Variants in CDH12 observed in about 807,000 individuals in gnomAD.
CDH12 encodes the protein cadherin-12.
Under a neutral mutation model 74.1 loss-of-function variants are expected in CDH12, and 41 were observed. The observed-to-expected ratio is 0.55, with a 90% confidence interval of 0.43 to 0.72. CDH12 has a LOEUF of 0.72. Ranked by LOEUF, CDH12 falls within the 30% of genes least tolerant of loss-of-function variation. The probability of loss-of-function intolerance (pLI) is 0.00; values close to 1 mark genes in which losing one functional copy is unlikely to be tolerated. For synonymous variants in CDH12, 399 were observed against 355.0 expected, an observed-to-expected ratio of 1.12 and a Z score of -1.39; for missense variants, 945 against 977.2, an observed-to-expected ratio of 0.97 and a Z score of 0.44.
intron 3 of CDH12, among the ~76,000 whole-genome samples, chr5:22,277,572 C>T (rs1290957204): frequency 6.6e-6 from 1 of 151,980 alleles, no homozygotes; most frequent in Admixed American, 6.5e-5. Context: ...GTGGCTCACA[C>T]CTGTAATCCC....
intron 1 of CDH12, among the ~76,000 whole-genome samples, chr5:22,833,518 T>C (rs927819714): frequency 1.3e-5 from 2 of 152,212 alleles, no homozygotes; most frequent in East Asian, 3.8e-4. Flanking sequence ...TTACTGCTAA[T>C]TGCATAGCAA....
intron 2 of CDH12, among the ~76,000 whole-genome samples, chr5:22,471,987 A>C (rs1745977887): frequency 6.6e-6 from 1 of 152,200 alleles, no homozygotes; most frequent in African/African-American, 2.4e-5. Context: ...GAGAACAGTA[A>C]GAAGGTCACT....
chr5:22,569,625 G>T (rs1739449340), intron 1 of CDH12, among the ~76,000 whole-genome samples: 1 of 152,124 alleles, frequency 6.6e-6, no homozygotes, highest in African/African-American at 2.4e-5. Flanking sequence ...AATGTTTACA[G>T]CATCTTACTA....
intron 6 of CDH12, among the ~76,000 whole-genome samples, chr5:21,919,398 C>A (rs903905277): frequency 1.4e-4 from 21 of 151,494 alleles, no homozygotes; most frequent in African/African-American, 5.1e-4. Context: ...TTTTCCTTTA[C>A]TCTTTAGGAA....
chr5:22,015,760 T>C (rs1737564576), intron 5 of CDH12, among the ~76,000 whole-genome samples: 1 of 152,304 alleles, frequency 6.6e-6, no homozygotes, highest in South Asian at 2.1e-4. Context: ...CAGATAGTTA[T>C]ACCAGAGATT....
chr5:22,026,306 G>A (rs1005441730), intron 5 of CDH12, among the ~76,000 whole-genome samples: 45 of 152,178 alleles, frequency 3.0e-4, no homozygotes, highest in African/African-American at 9.4e-4. Flanking sequence ...TAATAAAGAC[G>A]GACTGCAGAC....
At chr5:22,228,160 G>T (rs994382061) in intron 3 of CDH12, among the ~76,000 whole-genome samples, 1 of 151,714 alleles carries the variant, frequency 6.6e-6, no homozygotes, top group Non-Finnish European at 1.5e-5. Context: ...ATTCAAGATC[G>T]TACTATTAAC....
chr5:22,213,361 C>T (rs973477468), intron 3 of CDH12, among the ~76,000 whole-genome samples: 6 of 151,808 alleles, frequency 4.0e-5, no homozygotes, highest in African/African-American at 1.5e-4. Flanking sequence ...TTTCAATTAG[C>T]ATTACACTTG....
At chr5:22,425,814 CA>C (rs1267053598) in intron 2 of CDH12, among the ~76,000 whole-genome samples, 1 of 152,086 alleles carries the variant, frequency 6.6e-6, no homozygotes, top group Admixed American at 6.5e-5. Flanking sequence ...CAGACACGCA[CA>C]GAGGTGCACA....
intron 3 of CDH12, among the ~76,000 whole-genome samples, chr5:22,390,575 G>GAGATAGATGAT (rs1491216575): frequency 6.7e-6 from 1 of 148,158 alleles, no homozygotes; most frequent in African/African-American, 2.5e-5. Context: ...GATGGATGGA[G>GAGATAGATGAT]AGATAGATAG....
intron 3 of CDH12, among the ~76,000 whole-genome samples, chr5:22,247,472 C>T (rs537938336): frequency 2.6e-5 from 4 of 152,080 alleles, no homozygotes; most frequent in South Asian, 2.1e-4. Context: ...GTCAGGAGTT[C>T]GAGACCAGCC....
intron 6 of CDH12, among the ~76,000 whole-genome samples, chr5:21,906,050 A>G (rs1753626337): frequency 6.6e-6 from 1 of 152,182 alleles, no homozygotes; most frequent in South Asian, 2.1e-4. Flanking sequence ...AATCCATAAT[A>G]TGTTACTATA....
At chr5:22,499,238 T>G (rs1481887172) in intron 2 of CDH12, among the ~76,000 whole-genome samples, 1 of 152,076 alleles carries the variant, frequency 6.6e-6, no homozygotes, top group Non-Finnish European at 1.5e-5. Flanking sequence ...TAAAAGGTAG[T>G]TTTACTATTT....
chr5:22,344,022 G>A (rs945678081), intron 3 of CDH12, among the ~76,000 whole-genome samples: 1 of 152,118 alleles, frequency 6.6e-6, no homozygotes, highest in Admixed American at 6.6e-5. Flanking sequence ...GCAACTATAA[G>A]AAATCACCTA....
intron 4 of CDH12, among the ~76,000 whole-genome samples, chr5:22,121,514 A>G (rs2150275613): frequency 6.6e-6 from 1 of 152,302 alleles, no homozygotes; most frequent in African/African-American, 2.4e-5. Context: ...CGGGAGTCTC[A>G]TGTTTCTAGT....
At chr5:22,225,481 T>C (rs2150371465) in intron 3 of CDH12, among the ~76,000 whole-genome samples, 1 of 152,220 alleles carries the variant, frequency 6.6e-6, no homozygotes, top group South Asian at 2.1e-4. Flanking sequence ...TGGTTAGAAC[T>C]TTGCCACAAG....
chr5:22,495,051 T>G (rs145644659), intron 2 of CDH12, among the ~76,000 whole-genome samples: 9 of 152,202 alleles, frequency 5.9e-5, no homozygotes, highest in Non-Finnish European at 1.5e-5. Flanking sequence ...AACTCCTTTT[T>G]GCACAATTGA....
chr5:22,720,631 C>T (rs1273380413), intron 1 of CDH12, among the ~76,000 whole-genome samples: 2 of 151,958 alleles, frequency 1.3e-5, no homozygotes, highest in Non-Finnish European at 2.9e-5. Context: ...TTGGAACTTC[C>T]TAGGGTCCTG....
intron 1 of CDH12, among the ~76,000 whole-genome samples, chr5:22,633,578 C>A (rs147643014): frequency 4.4e-4 from 67 of 152,194 alleles, no homozygotes; most frequent in African/African-American, 1.5e-3. Context: ...TTGTGGTGGG[C>A]CTCATCCCAT....
Sources: gnomAD v4.1 joint callset for allele counts (sites outside exome capture counted in the v4.1 genomes callset) on GRCh38, gnomAD v4.1.1 for gene constraint, MANE v1.5 for transcripts, NCBI Gene and HGNC (gene_info 2026-07-23, HGNC 2026-07-21) for gene names.